The following ENTREP1 variants were observed in gnomAD, a reference collection of about 807,000 sequenced individuals.
ENTREP1 encodes the protein endosomal transmembrane epsin interactor 1.
chr9:69,372,124 A>T, the ENTREP1 span, among the ~76,000 whole-genome samples: 3 of 152,198 alleles, frequency 2.0e-5, no homozygotes, highest in African/African-American at 4.8e-5. Flanking sequence ...TTTGGATTTC[A>T]GCATTGTGAG....
chr9:69,383,522 G>A, the ENTREP1 span: 5 of 1,554,882 alleles, frequency 3.2e-6, no homozygotes, highest in Non-Finnish European at 4.4e-6. Flanking sequence ...GTATGGAGAG[G>A]TGAGTGGTTT....
the ENTREP1 span, among the ~76,000 whole-genome samples, chr9:69,341,793 A>G: frequency 5.9e-5 from 9 of 152,256 alleles, no homozygotes; most frequent in East Asian, 1.7e-3. Context: ...GAGTTCTTTC[A>G]AGTACATTTC....
chr9:69,391,869 G>A, the ENTREP1 span: 4 of 1,454,884 alleles, frequency 2.7e-6, no homozygotes, highest in South Asian at 3.7e-5. Context: ...TTTCTTGGCT[G>A]GGAGCTGTGG....
chr9:69,367,821 AT>A, the ENTREP1 span, among the ~76,000 whole-genome samples: 17 of 123,294 alleles, frequency 1.4e-4, no homozygotes, highest in East Asian at 2.2e-4. Flanking sequence ...ACACATATAT[AT>A]AAATATATAT....
At chr9:69,349,530 T>A in the ENTREP1 span, among the ~76,000 whole-genome samples, 1 of 152,322 alleles carries the variant, frequency 6.6e-6, no homozygotes, top group South Asian at 2.1e-4. Flanking sequence ...TCTTTTTATG[T>A]GTGTATTGGC....
At chr9:69,372,466 A>T in the ENTREP1 span, among the ~76,000 whole-genome samples, 17 of 152,212 alleles carry the variant, frequency 1.1e-4, no homozygotes, top group South Asian at 2.1e-4. Context: ...GGATTATTTC[A>T]CTTAGCATCA....
At chr9:69,370,772 A>C in the ENTREP1 span, among the ~76,000 whole-genome samples, 2 of 152,332 alleles carry the variant, frequency 1.3e-5, no homozygotes, top group East Asian at 3.9e-4. Context: ...CTTTGTTCTA[A>C]CGCTGATAAT....
the ENTREP1 span, among the ~76,000 whole-genome samples, chr9:69,347,815 C>T: frequency 6.6e-6 from 1 of 152,074 alleles, no homozygotes; most frequent in Non-Finnish European, 1.5e-5. Context: ...TCTGCTTGTT[C>T]AAGGGACCAG....
chr9:69,325,521 C>A, the ENTREP1 span: 3 of 1,022,982 alleles, frequency 2.9e-6, no homozygotes, highest in Non-Finnish European at 3.5e-6. Context: ...GCCGCGCCGC[C>A]GGCGCTCTCC....
the ENTREP1 span, among the ~76,000 whole-genome samples, chr9:69,376,124 A>G: frequency 6.6e-6 from 1 of 152,228 alleles, no homozygotes; most frequent in Non-Finnish European, 1.5e-5. Context: ...GACTATATAT[A>G]TGTATATGTA....
At chr9:69,383,341 G>A in the ENTREP1 span, 4 of 1,121,976 alleles carry the variant, frequency 3.6e-6, no homozygotes, top group Non-Finnish European at 3.3e-6. Flanking sequence ...CCCATCCCCT[G>A]GCAGCCACTA....
chr9:69,331,300 G>A, the ENTREP1 span, among the ~76,000 whole-genome samples: 3 of 152,180 alleles, frequency 2.0e-5, no homozygotes, highest in Non-Finnish European at 4.4e-5. Flanking sequence ...TAATGGATTA[G>A]CAAAGGGAAA....
the ENTREP1 span, among the ~76,000 whole-genome samples, chr9:69,367,654 T>A: frequency 4.2e-5 from 4 of 95,628 alleles, 1 homozygote; most frequent in Admixed American, 2.6e-4. Flanking sequence ...CACATATATA[T>A]AAATATATAT....
At chr9:69,391,712 G>C in the ENTREP1 span, 1 of 1,613,898 alleles carries the variant, frequency 6.2e-7, no homozygotes, top group Non-Finnish European at 8.5e-7. Flanking sequence ...CTTCACACCA[G>C]CGGGGAGGCC....
the ENTREP1 span, chr9:69,386,103 C>A: frequency 1.8e-6 from 1 of 548,068 alleles, no homozygotes; most frequent in Non-Finnish European, 2.8e-6. Flanking sequence ...TATTCTACGT[C>A]CATGTTAGGA....
At chr9:69,325,410 A>C in the ENTREP1 span, 1 of 1,062,646 alleles carries the variant, frequency 9.4e-7, no homozygotes, top group Non-Finnish European at 1.1e-6. Flanking sequence ...GCCGCCGCTC[A>C]GGAGCCGCCG....
the ENTREP1 span, among the ~76,000 whole-genome samples, chr9:69,346,630 T>C: frequency 1.3e-5 from 2 of 152,366 alleles, no homozygotes; most frequent in South Asian, 4.1e-4. Flanking sequence ...TTAAGCTATA[T>C]TATATCATTC....
chr9:69,391,131 G>A, the ENTREP1 span, among the ~76,000 whole-genome samples: 5 of 152,148 alleles, frequency 3.3e-5, no homozygotes, highest in Non-Finnish European at 5.9e-5. Flanking sequence ...TCCCAGACCA[G>A]TGGTTCTTAC....
At chr9:69,354,892 C>T in the ENTREP1 span, among the ~76,000 whole-genome samples, 312 of 152,268 alleles carry the variant, frequency 2.0e-3, 1 homozygote, top group African/African-American at 7.2e-3. Flanking sequence ...AGTCTTTAAA[C>T]CATTGATCCC....
Sources: allele counts gnomAD v4.1 joint callset (sites outside exome capture counted in the v4.1 genomes callset), GRCh38; gene constraint gnomAD v4.1.1; transcripts MANE v1.5; gene names NCBI Gene and HGNC (gene_info 2026-07-23, HGNC 2026-07-21).